Variants in GGACT observed in about 807,000 individuals in gnomAD.
GGACT encodes gamma-glutamylaminecyclotransferase.
For missense variants in GGACT, 241 were observed against 233.2 expected, an observed-to-expected ratio of 1.03 and a Z score of -0.22; for synonymous variants, 118 against 115.3, an observed-to-expected ratio of 1.02 and a Z score of -0.15.
intron 2 of GGACT, among the ~76,000 whole-genome samples, chr13:100,571,023 AAC>A (rs1413803603): frequency 2.6e-5 from 4 of 152,154 alleles, no homozygotes; most frequent in African/African-American, 9.7e-5. Flanking sequence ...GCTGTGTGAA[AAC>A]ACAGTGCCAG....
chr13:100,563,959 G>A (rs1007168927), intron 2 of GGACT, among the ~76,000 whole-genome samples: 12 of 152,124 alleles, frequency 7.9e-5, no homozygotes, highest in Non-Finnish European at 5.9e-5. Flanking sequence ...GTGGGCTACT[G>A]GGAACCAAAA....
At chr13:100,551,857 T>C (rs949739251) in intron 2 of GGACT, among the ~76,000 whole-genome samples, 2 of 152,218 alleles carry the variant, frequency 1.3e-5, no homozygotes, top group African/African-American at 4.8e-5. Flanking sequence ...CTAAAGGCAA[T>C]TCCCTAGGGA....
chr13:100,546,148 CAGG>C (rs977431190), intron 2 of GGACT, among the ~76,000 whole-genome samples: 20 of 152,068 alleles, frequency 1.3e-4, no homozygotes, highest in African/African-American at 4.3e-4. Flanking sequence ...ATCACGAGGA[CAGG>C]AGATCGAGAC....
intron 2 of GGACT, among the ~76,000 whole-genome samples, chr13:100,574,493 T>C (rs989835024): frequency 7.9e-5 from 12 of 152,140 alleles, no homozygotes; most frequent in African/African-American, 1.9e-4. Context: ...GAAGAATCGA[T>C]TGAACCTGGG....
At chr13:100,542,589 C>T (rs1040345802) in intron 2 of GGACT, among the ~76,000 whole-genome samples, 2 of 152,128 alleles carry the variant, frequency 1.3e-5, no homozygotes, top group Non-Finnish European at 2.9e-5. Flanking sequence ...AGATGTCGTT[C>T]CCTGATGCTG....
rs969885344 is a variant in GGACT at position 100,546,712 on chromosome 13, G to A, written c.-10-14111C>T. Among the ~76,000 whole-genome samples, 9 of 152,150 alleles carry A rather than the reference G, an allele frequency of 5.9e-5. No homozygotes were observed. The East Asian group carries it at 1.5e-3, about 26-fold the overall frequency. ...AATATGGAATATGTAATAAAATAAT[G>A]TTTAGTTTTTAACAACTAAAACCCT... On this transcript the variant is annotated intron_variant, in intron 2 of 2. Transcript: ENST00000683975.
chr13:100,572,172 G>A (rs1471810904), intron 2 of GGACT, among the ~76,000 whole-genome samples: 2 of 152,198 alleles, frequency 1.3e-5, no homozygotes, highest in Non-Finnish European at 2.9e-5. Flanking sequence ...TAAACAAAAT[G>A]TGGGGTATAC....
chr13:100,580,827 A>G (rs998752732), intron 2 of GGACT, among the ~76,000 whole-genome samples: 1 of 152,228 alleles, frequency 6.6e-6, no homozygotes, highest in Non-Finnish European at 1.5e-5. Context: ...GGCCCAGTCT[A>G]CAGTTACAAG....
rs541111969 is a variant in GGACT, at chr13:100,585,793, A to G, written c.-183-1796T>C. Among the ~76,000 whole-genome samples the G allele has an allele frequency of 5.9e-4, 84 of 143,402 alleles. 1 individual carries two copies. The highest frequency in any genetic ancestry group is 6.4e-4 in the Non-Finnish European group (42 of 65,374). The allele number at this position is 143,402 out of a possible 152,430, so 94.1% of individuals were successfully genotyped here. The stretch of plus-strand genomic sequence containing the variant: ...GTCTCAGGAAGGAAAAAAAAAAAAA[A>G]GACCAGCCTGGGCAATACCTGTCTC... On this transcript the variant is annotated intron_variant, in intron 1 of 2. Coordinates refer to ENST00000683975, the MANE Select transcript of GGACT (RefSeq NM_001195087.2).
intron 2 of GGACT, among the ~76,000 whole-genome samples, chr13:100,562,908 C>T (rs1165570716): frequency 2.6e-5 from 4 of 152,106 alleles, no homozygotes; most frequent in East Asian, 3.9e-4. Flanking sequence ...AAAGAGCTCC[C>T]GTTCCCCTGC....
At chr13:100,565,235 CA>C (rs1358429308) in intron 2 of GGACT, among the ~76,000 whole-genome samples, 1 of 152,020 alleles carries the variant, frequency 6.6e-6, no homozygotes, top group African/African-American at 2.4e-5. Flanking sequence ...GATCAGAGTT[CA>C]AAAAACTGGG....
rs956722448 is a variant in GGACT at position 100,534,603 on chromosome 13, C to T, written c.-10-2002G>A. 2.6e-5 allele frequency among the ~76,000 whole-genome samples: 4 copies of T among 152,046 alleles called. No individual in the cohort carries two copies. Among genetic ancestry groups the T allele is most frequent in the East Asian group, 3.9e-4 (2 of 5,176 alleles). ...TCCCAAAAGACGAGCACCTGGGGGG[C>T]GATGATGGTTTGGATCCTGCTGTGC... is the stretch of plus-strand genomic sequence containing the variant. On this transcript the variant is annotated intron_variant, in intron 2 of 2. Coordinates refer to ENST00000683975, the MANE Select transcript of GGACT (RefSeq NM_001195087.2). This position sits in a 1 kb window ranked among gnomAD's most constrained non-coding sequence, Gnocchi z 4.9.
chr13:100,569,282 C>T (rs1036431703), intron 2 of GGACT, among the ~76,000 whole-genome samples: 6 of 152,260 alleles, frequency 3.9e-5, no homozygotes, highest in African/African-American at 7.2e-5. Flanking sequence ...CCTGCAGCAT[C>T]GTTCTGCCTG....
At chr13:100,569,902 C>T (rs1875028695) in intron 2 of GGACT, among the ~76,000 whole-genome samples, 1 of 152,232 alleles carries the variant, frequency 6.6e-6, no homozygotes. Context: ...TAAAGCGTAA[C>T]AAGAGTGACT....
At chr13:100,546,887 G>A (rs73566681) in intron 2 of GGACT, among the ~76,000 whole-genome samples, 2,871 of 152,238 alleles carry the variant, frequency 0.019, 84 homozygotes, top group African/African-American at 0.066. Context: ...CCTCGAGGGC[G>A]AGGTCTCGCC....
intron 2 of GGACT, chr13:100,540,284 CT>C: frequency 9.4e-7 from 1 of 1,062,736 alleles, no homozygotes; most frequent in South Asian, 1.3e-5. Context: ...GTGGGCTTTT[CT>C]TTTGGGGGAG....
intron 2 of GGACT, among the ~76,000 whole-genome samples, chr13:100,542,449 G>A (rs921992930): frequency 3.9e-5 from 6 of 152,178 alleles, no homozygotes; most frequent in Non-Finnish European, 7.3e-5. Context: ...CCTCGTGCAC[G>A]GATTTCCTCA....
At chr13:100,577,367 G>A (rs2153016849) in intron 2 of GGACT, among the ~76,000 whole-genome samples, 2 of 150,882 alleles carry the variant, frequency 1.3e-5, no homozygotes, top group Non-Finnish European at 2.9e-5. Context: ...AGTGAGCCAG[G>A]ATCACGCCAT....
At chr13:100,564,239 G>A (rs1290636724) in intron 2 of GGACT, among the ~76,000 whole-genome samples, 1 of 152,218 alleles carries the variant, frequency 6.6e-6, no homozygotes, top group Non-Finnish European at 1.5e-5. Flanking sequence ...TTGATTGTGG[G>A]AAGGGTCTAT....
Sources: gnomAD v4.1 joint callset for allele counts (sites outside exome capture counted in the v4.1 genomes callset) on GRCh38, gnomAD v4.1.1 for gene constraint, Gnocchi (gnomAD v3.1) non-coding constraint, MANE v1.5 for transcripts, NCBI Gene and HGNC (gene_info 2026-07-23, HGNC 2026-07-21) for gene names.